Variants in HBS1L observed in about 807,000 individuals in gnomAD.
HBS1L encodes the protein HBS1 like translational GTPase, also known as HBS1-like protein.
Under a neutral mutation model 88.9 loss-of-function variants are expected in HBS1L, and 55 were observed. The ratio of observed to expected loss-of-function variants is 0.62; its 90% CI spans 0.50 to 0.77. The LOEUF is 0.77. HBS1L is among the 30% of genes least tolerant of loss of function. The probability of loss-of-function intolerance (pLI) is 0.00; values close to 1 mark genes in which losing one functional copy is unlikely to be tolerated. For synonymous variants in HBS1L, 267 were observed against 288.5 expected, an observed-to-expected ratio of 0.93 and a Z score of 0.76; for missense variants, 741 against 829.3, an observed-to-expected ratio of 0.89 and a Z score of 1.31.
At chr6:135,050,075 T>C (rs901062801) in intron 2 of HBS1L, among the ~76,000 whole-genome samples, 3 of 152,274 alleles carry the variant, frequency 2.0e-5, no homozygotes, top group African/African-American at 7.2e-5. Flanking sequence ...GATGCAGCTC[T>C]GATGTGGAAT....
chr6:135,050,083 AATTATACAGAAAT>A (rs1227040678), intron 2 of HBS1L, among the ~76,000 whole-genome samples: 1 of 152,266 alleles, frequency 6.6e-6, no homozygotes, highest in Non-Finnish European at 1.5e-5. Flanking sequence ...TCTGATGTGG[AATTATACAGAAAT>A]ATGAATGCCA....
intron 4 of HBS1L, chr6:135,035,750 C>CAAAAAAAAAAAA (rs34517904): frequency 1.1e-4 from 8 of 71,084 alleles, no homozygotes; most frequent in East Asian, 5.0e-4. Context: ...GACTCTGTCT[C>CAAAAAAAAAAAA]AAAAAAAAAA....
chr6:135,037,247 T>C (rs1269325050), intron 4 of HBS1L: 4 of 1,551,886 alleles, frequency 2.6e-6, no homozygotes, highest in African/African-American at 2.7e-5. Context: ...TCTGTGAAAC[T>C]GGCAGATGAC....
In HBS1L at chr6:134,965,020, C is replaced by T. The variant is rs572779523; in HGVS notation, c.*259G>A. The T allele has an allele frequency of 2.0e-6, 1 of 511,344 alleles. No individual in the cohort carries two copies. The highest frequency in any genetic ancestry group is 2.0e-5 in the African/African-American group (1 of 50,636). The allele number at this position is 511,344 out of a possible 1,614,324, so 31.7% of individuals were successfully genotyped here. ...ACTATTTTTGACACTTGCCATAAAT[C>T]TTAGCAAAGTAAATCCATTTATTAA... On this transcript the variant is annotated 3_prime_UTR_variant, in exon 18 of 18. Coordinates refer to ENST00000367837, the MANE Select transcript of HBS1L (RefSeq NM_006620.4).
chr6:135,019,395 G>T (rs1456187122), intron 4 of HBS1L, among the ~76,000 whole-genome samples: 1 of 151,856 alleles, frequency 6.6e-6, no homozygotes. Context: ...AGGAAAAAAA[G>T]GTTTATAAGG....
rs1291615810 is a variant in HBS1L, at chr6:134,979,225, G to A, written c.1641C>T (p.Gly547=). The A allele has an allele frequency of 4.3e-6, 7 of 1,612,060 alleles. No individual in the cohort carries two copies. The highest frequency in any genetic ancestry group is 1.7e-4 in the Middle Eastern group (1 of 6,050). The change falls in exon 14 of 18, where the codon GGC becomes GGT. Residue 547 remains glycine, a synonymous_variant. Coordinates refer to ENST00000367837, the MANE Select transcript of HBS1L (RefSeq NM_006620.4). ...CAACCAAAGTAAGACTAACATGATC[G>A]CCTGCTGCCGCCCAGTCGACAGGTT... ...HDEPVDWAAA[G]DHVSLTLVGM... is the part of the protein sequence containing the mutation.
intron 13 of HBS1L, among the ~76,000 whole-genome samples, chr6:134,982,019 G>C (rs1774845020): frequency 6.6e-6 from 1 of 151,928 alleles, no homozygotes; most frequent in Non-Finnish European, 1.5e-5. Flanking sequence ...GCATAAACAT[G>C]ATCAAAGCTG....
At position 135,054,638 on chromosome 6, in the gene HBS1L, C is replaced by CTGCCACCTA. The variant is rs1777190918; in HGVS notation, c.43+2_43+10dup. ...GGGAAAAGAACGTCCCGGCATGACC[C>CTGCCACCTA]TGCCACCTACCTTCATCGTAGTTAT... On this transcript the variant is annotated intron_variant, in intron 1 of 17. Coordinates refer to ENST00000367837, the MANE Select transcript of HBS1L (RefSeq NM_006620.4). The CTGCCACCTA allele has an allele frequency of 6.2e-7, 1 of 1,614,198 alleles. No individual in the cohort carries two copies. The highest frequency in any genetic ancestry group is 8.5e-7 in the Non-Finnish European group (1 of 1,180,002).
chr6:135,035,258 T>C (rs1432752499), intron 4 of HBS1L, among the ~76,000 whole-genome samples: 5 of 151,940 alleles, frequency 3.3e-5, no homozygotes, highest in Non-Finnish European at 7.4e-5. Context: ...AAGACTATCC[T>C]GGCCAACATG....
chr6:135,000,968 A>T, intron 5 of HBS1L, among the ~76,000 whole-genome samples: 1 of 152,210 alleles, frequency 6.6e-6, no homozygotes. Flanking sequence ...AAAATCCTGT[A>T]ATAGTACAAC....
At position 134,962,047 on chromosome 6, in the gene HBS1L, G is replaced by C. The variant is rs992966940; in HGVS notation, c.*3232C>G. On this transcript the variant is annotated 3_prime_UTR_variant, in exon 18 of 18. Coordinates refer to ENST00000367837, the MANE Select transcript of HBS1L (RefSeq NM_006620.4). The stretch of plus-strand genomic sequence containing the variant: ...GCCCCAGAGCTTTCTCTTGTGCCTG[G>C]AATATGGCAGGATCATAATTAGACG... 2.0e-5 allele frequency: 3 copies of C among 152,020 alleles called. No homozygotes were observed. The highest frequency in any genetic ancestry group is 4.4e-5 in the Non-Finnish European group (3 of 67,994). 9.4% of individuals were successfully genotyped at this position (152,020 alleles called of 1,614,324 possible). A position where few individuals can be genotyped will look rare whatever the true frequency, so the allele number is the denominator to read the frequency against.
chr6:134,997,352 C>G (rs768433284), intron 6 of HBS1L, 45 bp downstream of exon 6: 1 of 1,609,720 alleles, frequency 6.2e-7, no homozygotes, highest in African/African-American at 1.3e-5. Context: ...AGTGGGCAGG[C>G]TAAGGCATGG....
At chr6:134,989,362 C>T (rs1775067787) in intron 8 of HBS1L, among the ~76,000 whole-genome samples, 1 of 152,092 alleles carries the variant, frequency 6.6e-6, no homozygotes, top group Non-Finnish European at 1.5e-5. Flanking sequence ...CCTGGCATTC[C>T]CCTTTTTAGC....
intron 13 of HBS1L, 53 bp from the exon 14 acceptor site, chr6:134,979,321 A>G: frequency 7.6e-7 from 1 of 1,316,094 alleles, no homozygotes; most frequent in Non-Finnish European, 1.1e-6. Context: ...ATATCAAACC[A>G]TAACAACCAA....
In HBS1L at chr6:134,960,789, T is replaced by C. The variant is rs1774168461; in HGVS notation, c.*4490A>G. The stretch of plus-strand genomic sequence containing the variant: ...TGAGGTTAATAATATCTGCCTCATA[T>C]AATTATAGATATGTCATGTTAAATG... On this transcript the variant is annotated 3_prime_UTR_variant, in exon 18 of 18. Coordinates refer to ENST00000367837, the MANE Select transcript of HBS1L (RefSeq NM_006620.4). The C allele has an allele frequency of 6.6e-6, 1 of 152,206 alleles. No homozygotes were observed. Among genetic ancestry groups the C allele is most frequent in the Admixed American group, 6.5e-5 (1 of 15,288 alleles). The allele number at this position is 152,206 out of a possible 1,614,324, so 9.4% of individuals were successfully genotyped here. A position where few individuals can be genotyped will look rare whatever the true frequency, so the allele number is the denominator to read the frequency against.
At chr6:134,971,230 G>C (rs1774476558) in intron 15 of HBS1L, among the ~76,000 whole-genome samples, 2 of 152,180 alleles carry the variant, frequency 1.3e-5, no homozygotes, top group Non-Finnish European at 2.9e-5. Context: ...CTGACTACTG[G>C]GGATGAAAAA....
chr6:135,003,953 T>A (rs911687642), intron 4 of HBS1L, among the ~76,000 whole-genome samples: 2 of 152,182 alleles, frequency 1.3e-5, no homozygotes, highest in Non-Finnish European at 2.9e-5. Flanking sequence ...TAAGACTTTT[T>A]TTTGCATTTG....
At chr6:135,050,023 A>C (rs1452301286) in intron 2 of HBS1L, among the ~76,000 whole-genome samples, 7 of 152,266 alleles carry the variant, frequency 4.6e-5, no homozygotes, top group African/African-American at 1.7e-4. Context: ...TGTTCTCCTT[A>C]TATGGTGGCA....
At chr6:135,033,437 A>G (rs886547138) in intron 4 of HBS1L, among the ~76,000 whole-genome samples, 1 of 152,220 alleles carries the variant, frequency 6.6e-6, no homozygotes, top group Non-Finnish European at 1.5e-5. Context: ...AGGTCTGCTC[A>G]GTTCCACCTT....
Sources: gnomAD v4.1 joint callset for allele counts (sites outside exome capture counted in the v4.1 genomes callset) on GRCh38, gnomAD v4.1.1 for gene constraint, MANE v1.5 for transcripts, NCBI Gene and HGNC (gene_info 2026-07-23, HGNC 2026-07-21) for gene names.